Variants in TRPC4 observed in about 807,000 individuals in gnomAD.
The protein encoded by TRPC4 is short transient receptor potential channel 4.
A neutral mutation model predicts 99.4 loss-of-function variants in TRPC4; 49 were observed. The ratio of observed to expected loss-of-function variants is 0.49; its 90% CI spans 0.39 to 0.63. The LOEUF is 0.63. Among genes scored for constraint, TRPC4 ranks in the 20% least tolerant of loss-of-function variants. TRPC4 has a pLI of 0.00. For missense variants in TRPC4, 898 were observed against 1,152.9 expected, an observed-to-expected ratio of 0.78 and a Z score of 3.20; for synonymous variants, 454 against 425.9, an observed-to-expected ratio of 1.07 and a Z score of -0.81.
At chr13:37,728,928 G>C (rs1024634261) in intron 3 of TRPC4, among the ~76,000 whole-genome samples, 1 of 152,038 alleles carries the variant, frequency 6.6e-6, no homozygotes, top group Non-Finnish European at 1.5e-5. Flanking sequence ...TTCAATAGGG[G>C]AAAAGAAAGT....
chr13:37,779,510 T>C (rs1238600233), intron 2 of TRPC4, among the ~76,000 whole-genome samples: 1 of 151,950 alleles, frequency 6.6e-6, no homozygotes, highest in Non-Finnish European at 1.5e-5. Flanking sequence ...TCTATACCCA[T>C]CTATTTATCT....
chr13:37,845,238 A>G (rs963946919), intron 1 of TRPC4, among the ~76,000 whole-genome samples: 1 of 152,054 alleles, frequency 6.6e-6, no homozygotes, highest in African/African-American at 2.4e-5. Flanking sequence ...ATGTAAGTAC[A>G]TGAGGATGAT....
intron 1 of TRPC4, among the ~76,000 whole-genome samples, chr13:37,830,601 A>G (rs919837231): frequency 6.6e-6 from 1 of 151,344 alleles, no homozygotes; most frequent in East Asian, 1.9e-4. Context: ...AATCCCAGAT[A>G]CTCAGGAGGC....
intron 1 of TRPC4, among the ~76,000 whole-genome samples, chr13:37,819,008 T>A (rs574391167): frequency 4.6e-5 from 7 of 151,716 alleles, no homozygotes; most frequent in African/African-American, 1.7e-4. Flanking sequence ...AAACCATTAA[T>A]AATAGGAAAA....
chr13:37,760,409 C>T lies in TRPC4; in HGVS notation c.379-13954G>A, dbSNP rs1221315945. Among the ~76,000 whole-genome samples the T allele has an allele frequency of 2.6e-5, 4 of 152,036 alleles. No homozygotes were observed. In the East Asian group the frequency reaches 7.8e-4, roughly 30 times the overall value. On this transcript the variant is annotated intron_variant, in intron 2 of 10. Transcript: ENST00000379705. ...ACGTCCTTTTGTAAAATTGAACTGT[C>T]ATTGGGCTGCTTTTTTGCCTTTAAT... is the stretch of plus-strand genomic sequence containing the variant.
intron 8 of TRPC4, among the ~76,000 whole-genome samples, chr13:37,641,937 T>A (rs1951726133): frequency 6.6e-6 from 1 of 152,220 alleles, no homozygotes; most frequent in South Asian, 2.1e-4. Context: ...AATAGCCTTT[T>A]AAAAATCTGA....
chr13:37,707,245 C>G (rs1593554549), intron 3 of TRPC4, among the ~76,000 whole-genome samples: 1 of 152,058 alleles, frequency 6.6e-6, no homozygotes, highest in Non-Finnish European at 1.5e-5. Context: ...AAAGTAGATT[C>G]AAAGTTTTAT....
At chr13:37,684,714 A>C (rs968141282) in intron 4 of TRPC4, among the ~76,000 whole-genome samples, 1 of 151,924 alleles carries the variant, frequency 6.6e-6, no homozygotes, top group Non-Finnish European at 1.5e-5. Flanking sequence ...CCTTCCACTT[A>C]ATACAAACTT....
intron 2 of TRPC4, among the ~76,000 whole-genome samples, chr13:37,770,263 C>T (rs1956512975): frequency 6.6e-6 from 1 of 151,474 alleles, no homozygotes; most frequent in African/African-American, 2.4e-5. Context: ...TCCTCAACTT[C>T]TCTAAGCTTC....
intron 2 of TRPC4, among the ~76,000 whole-genome samples, chr13:37,757,126 A>C (rs1001506776): frequency 3.3e-5 from 5 of 152,040 alleles, no homozygotes; most frequent in Non-Finnish European, 5.9e-5. Context: ...AATGCCTATT[A>C]GTACATTAAA....
chr13:37,868,983 T>C (rs1208638579), intron 1 of TRPC4, among the ~76,000 whole-genome samples: 1 of 152,164 alleles, frequency 6.6e-6, no homozygotes, highest in Admixed American at 6.5e-5. Context: ...ATTGGCTTCA[T>C]TGGCTTCATT....
At chr13:37,843,429 T>C (rs886907042) in intron 1 of TRPC4, among the ~76,000 whole-genome samples, 6 of 152,196 alleles carry the variant, frequency 3.9e-5, no homozygotes, top group Non-Finnish European at 8.8e-5. Context: ...AGTTAGCAAC[T>C]TAGCATGACA....
chr13:37,803,231 C>T (rs529806622), intron 1 of TRPC4, among the ~76,000 whole-genome samples: 3 of 152,092 alleles, frequency 2.0e-5, no homozygotes, highest in Middle Eastern at 3.4e-3. Context: ...TTCCCTGCTC[C>T]AGCCCTGGAA....
At chr13:37,701,023 T>G (rs1954086251) in intron 3 of TRPC4, among the ~76,000 whole-genome samples, 1 of 152,122 alleles carries the variant, frequency 6.6e-6, no homozygotes, top group African/African-American at 2.4e-5. Context: ...AGAGAAAAAG[T>G]TATGTGTTTT....
chr13:37,752,273 C>A (rs1181913648), intron 2 of TRPC4, among the ~76,000 whole-genome samples: 3 of 151,582 alleles, frequency 2.0e-5, no homozygotes, highest in African/African-American at 7.3e-5. Flanking sequence ...CAGAAAACTG[C>A]AGATGCAAAC....
At chr13:37,819,783 C>T (rs1258236617) in intron 1 of TRPC4, among the ~76,000 whole-genome samples, 1 of 150,978 alleles carries the variant, frequency 6.6e-6, no homozygotes, top group Non-Finnish European at 1.5e-5. Context: ...ACAAATTTAC[C>T]TATATAGTAA....
intron 5 of TRPC4, among the ~76,000 whole-genome samples, 157 bp downstream of exon 5, chr13:37,674,070 AT>A (rs750522737): frequency 2.6e-5 from 4 of 152,094 alleles, no homozygotes; most frequent in African/African-American, 9.7e-5. Flanking sequence ...TTATTTATGT[AT>A]TTTTATCCCT....
chr13:37,825,327 T>C (rs1461207053), intron 1 of TRPC4, among the ~76,000 whole-genome samples: 2 of 149,852 alleles, frequency 1.3e-5, no homozygotes, highest in Non-Finnish European at 1.5e-5. Context: ...TTTGAATGTG[T>C]TTGCTCTTGC....
intron 4 of TRPC4, among the ~76,000 whole-genome samples, chr13:37,681,358 T>C (rs1953232614): frequency 6.6e-6 from 1 of 152,150 alleles, no homozygotes; most frequent in African/African-American, 2.4e-5. Context: ...GAGATCCTGA[T>C]AAAACTGGAA....
Sources: allele counts gnomAD v4.1 joint callset (sites outside exome capture counted in the v4.1 genomes callset), GRCh38; gene constraint gnomAD v4.1.1; transcripts MANE v1.5; gene names NCBI Gene and HGNC (gene_info 2026-07-23, HGNC 2026-07-21).